Variants in CNTN4 observed in about 807,000 individuals in gnomAD.
The protein encoded by CNTN4 is contactin 4.
CNTN4 carries 77 observed loss-of-function variants against 122.5 expected under a neutral mutation model. The ratio of observed to expected loss-of-function variants is 0.63; its 90% CI spans 0.52 to 0.76. The LOEUF (loss-of-function observed/expected upper bound fraction) is 0.76, where lower values mean the gene tolerates loss of function less well. CNTN4 is among the 30% of genes least tolerant of loss of function. The pLI is 0.00. For missense variants in CNTN4, 1,256 were observed against 1,259.1 expected (o/e 1.00, Z 0.04); for synonymous variants, 512 against 447.0 (o/e 1.15, Z -1.83).
At chr3:2,491,672 C>T (rs556488462) in intron 3 of CNTN4, among the ~76,000 whole-genome samples, 3 of 152,242 alleles carry the variant, frequency 2.0e-5, no homozygotes, top group Non-Finnish European at 2.9e-5. Context: ...CCTGTATTTT[C>T]GTGTGTAGTT....
At chr3:2,313,736 T>C (rs2150156198) in intron 2 of CNTN4, among the ~76,000 whole-genome samples, 2 of 152,120 alleles carry the variant, frequency 1.3e-5, no homozygotes, top group South Asian at 4.1e-4. Flanking sequence ...ATTAGTAGTG[T>C]AGTAATAGAT....
chr3:2,586,075 A>G (rs2080190053), intron 4 of CNTN4, among the ~76,000 whole-genome samples: 1 of 152,184 alleles, frequency 6.6e-6, no homozygotes, highest in Non-Finnish European at 1.5e-5. Context: ...TAGCCCTAAT[A>G]TGGCTAATAT....
chr3:2,990,882 T>A (rs1023923009), intron 14 of CNTN4, among the ~76,000 whole-genome samples: 7 of 152,218 alleles, frequency 4.6e-5, no homozygotes, highest in Non-Finnish European at 1.0e-4. Context: ...TACAATTTTT[T>A]AAAATTTTAT....
intron 6 of CNTN4, among the ~76,000 whole-genome samples, chr3:2,805,520 G>A (rs1234608052): frequency 2.6e-5 from 4 of 152,160 alleles, no homozygotes; most frequent in Non-Finnish European, 5.9e-5. Flanking sequence ...CAGAGCATGA[G>A]TAGTCTCAAT....
At chr3:2,630,551 C>T (rs2082385292) in intron 4 of CNTN4, among the ~76,000 whole-genome samples, 1 of 152,146 alleles carries the variant, frequency 6.6e-6, no homozygotes, top group East Asian at 1.9e-4. Context: ...ATTGGCTTGA[C>T]AAGCCCAATA....
intron 4 of CNTN4, among the ~76,000 whole-genome samples, chr3:2,670,876 A>C (rs905013551): frequency 5.9e-5 from 9 of 152,190 alleles, no homozygotes; most frequent in African/African-American, 1.7e-4. Context: ...TGGATATGAA[A>C]TTCTGGTTTG....
intron 2 of CNTN4, among the ~76,000 whole-genome samples, chr3:2,222,358 G>A (rs1181752737): frequency 1.3e-5 from 2 of 152,062 alleles, no homozygotes; most frequent in Non-Finnish European, 2.9e-5. Context: ...CATAGAGACA[G>A]AAACTAGATA....
At chr3:2,206,911 G>T (rs1422840144) in intron 2 of CNTN4, among the ~76,000 whole-genome samples, 4 of 147,468 alleles carry the variant, frequency 2.7e-5, no homozygotes, top group Non-Finnish European at 6.0e-5. Flanking sequence ...TTTAAGGTTT[G>T]TGGCAACTCT....
chr3:2,468,106 A>G (rs1042684949), intron 3 of CNTN4, among the ~76,000 whole-genome samples: 4 of 152,214 alleles, frequency 2.6e-5, no homozygotes, highest in Non-Finnish European at 4.4e-5. Flanking sequence ...ACCAGAGCAC[A>G]AAGAGTCCTA....
chr3:2,567,856 C>G (rs989750109), intron 3 of CNTN4, among the ~76,000 whole-genome samples: 1 of 152,072 alleles, frequency 6.6e-6, no homozygotes, highest in Non-Finnish European at 1.5e-5. Context: ...AAACTCCTGC[C>G]CTACCCTACC....
At chr3:2,643,136 G>A (rs2150130722) in intron 4 of CNTN4, among the ~76,000 whole-genome samples, 1 of 152,186 alleles carries the variant, frequency 6.6e-6, no homozygotes, top group South Asian at 2.1e-4. Flanking sequence ...CTCTTCTCAA[G>A]TGATCTCATA....
At chr3:2,641,752 C>A (rs2082904938) in intron 4 of CNTN4, among the ~76,000 whole-genome samples, 1 of 152,088 alleles carries the variant, frequency 6.6e-6, no homozygotes, top group African/African-American at 2.4e-5. Flanking sequence ...AAATTTTGTT[C>A]TTTGCTGTTT....
At chr3:2,755,974 T>C (rs540624721) in intron 6 of CNTN4, among the ~76,000 whole-genome samples, 2 of 152,360 alleles carry the variant, frequency 1.3e-5, no homozygotes, top group East Asian at 3.9e-4. Flanking sequence ...TGATCATTTT[T>C]AAGTTTAATT....
intron 2 of CNTN4, among the ~76,000 whole-genome samples, chr3:2,139,882 A>G (rs1200224327): frequency 1.3e-5 from 2 of 152,196 alleles, no homozygotes; most frequent in African/African-American, 2.4e-5. Flanking sequence ...AACCCACCTG[A>G]TACGGTTTGT....
intron 2 of CNTN4, among the ~76,000 whole-genome samples, chr3:2,120,733 T>A (rs993124646): frequency 6.6e-6 from 1 of 151,992 alleles, no homozygotes; most frequent in South Asian, 2.1e-4. Flanking sequence ...TGCATGTGAC[T>A]CTCACGAGTG....
chr3:2,128,295 A>G (rs1178360953), intron 2 of CNTN4, among the ~76,000 whole-genome samples: 2 of 152,228 alleles, frequency 1.3e-5, no homozygotes, highest in Admixed American at 6.5e-5. Flanking sequence ...GAAAACACAT[A>G]TTTCCAGAAT....
intron 6 of CNTN4, among the ~76,000 whole-genome samples, chr3:2,751,548 A>C (rs541267043): frequency 6.6e-6 from 1 of 152,308 alleles, no homozygotes; most frequent in Admixed American, 6.5e-5. Context: ...GTTCTTCCAT[A>C]GACGAATAAA....
At chr3:2,269,354 T>C (rs1230855695) in intron 2 of CNTN4, among the ~76,000 whole-genome samples, 4 of 152,120 alleles carry the variant, frequency 2.6e-5, no homozygotes, top group Admixed American at 2.6e-4. Flanking sequence ...CCTGGATGAA[T>C]TTCCACAGTT....
At chr3:2,102,268 C>G (rs1003982957) in intron 2 of CNTN4, among the ~76,000 whole-genome samples, 1 of 152,176 alleles carries the variant, frequency 6.6e-6, no homozygotes, top group African/African-American at 2.4e-5. Context: ...GCAGATTAAC[C>G]TGAATCTAAG....
Sources: allele counts gnomAD v4.1 joint callset (sites outside exome capture counted in the v4.1 genomes callset), GRCh38; gene constraint gnomAD v4.1.1; transcripts MANE v1.5; gene names NCBI Gene and HGNC (gene_info 2026-07-23, HGNC 2026-07-21).